The following CSMD1 variants were observed in gnomAD, a reference collection of about 807,000 sequenced individuals.
CSMD1 encodes CUB and Sushi multiple domains 1.
In CSMD1, 213 loss-of-function variants were observed where a neutral mutation model predicts 417.5. That is an observed-to-expected ratio of 0.51 (90% confidence interval 0.46 to 0.57). The LOEUF (loss-of-function observed/expected upper bound fraction) is 0.57, where lower values mean the gene tolerates loss of function less well. Among genes scored for constraint, CSMD1 ranks in the 20% least tolerant of loss-of-function variants. The pLI is 0.00. For synonymous variants in CSMD1, 2,862 were observed against 1,736.8 expected (o/e 1.65, Z -16.11); for missense variants, 6,923 against 4,529.7 (o/e 1.53, Z -15.17).
Position 4,082,635 on chromosome 8 carries a change from T to A in CSMD1, c.416-50536A>T, listed in dbSNP as rs111395348. Among the ~76,000 whole-genome samples, 152 of 152,164 alleles carry A rather than the reference T, an allele frequency of 1.0e-3. 1 individual carries two copies. The highest frequency in any genetic ancestry group is 3.5e-3 in the African/African-American group (145 of 41,524). ...TATTTTATTTTATTATTATTACACT[T>A]TAACTTTTAGGGTACATGTGCACAA... On this transcript the variant is annotated intron_variant, in intron 3 of 69. Coordinates refer to ENST00000635120, the MANE Select transcript of CSMD1 (RefSeq NM_033225.6).
At chr8:4,062,594 C>G (rs1479485991) in intron 3 of CSMD1, among the ~76,000 whole-genome samples, 1 of 152,076 alleles carries the variant, frequency 6.6e-6, no homozygotes, top group Non-Finnish European at 1.5e-5. Flanking sequence ...GTGATACGTC[C>G]CAGATCTGAT....
intron 5 of CSMD1, among the ~76,000 whole-genome samples, chr8:3,944,344 T>G (rs1037084066): frequency 1.3e-5 from 2 of 152,148 alleles, no homozygotes; most frequent in East Asian, 1.9e-4. Flanking sequence ...TTTTAAAGAA[T>G]AATTTTTGTA....
At chr8:3,101,060 T>G (rs1048839919) in intron 46 of CSMD1, among the ~76,000 whole-genome samples, 4 of 151,728 alleles carry the variant, frequency 2.6e-5, no homozygotes, top group Admixed American at 1.3e-4. Context: ...ATGGTGTTTT[T>G]TTTTTTTTTT....
intron 1 of CSMD1, among the ~76,000 whole-genome samples, chr8:4,638,785 T>C (rs574941095): frequency 4.5e-4 from 68 of 152,308 alleles, no homozygotes; most frequent in African/African-American, 1.6e-3. Context: ...TGGGAAATGA[T>C]GAGGGCTGAA....
intron 10 of CSMD1, among the ~76,000 whole-genome samples, chr8:3,563,931 C>G (rs943795888): frequency 2.0e-5 from 3 of 152,006 alleles, no homozygotes; most frequent in African/African-American, 4.8e-5. Flanking sequence ...ATTTTTAAAC[C>G]TATTTTTCAT....
chr8:3,091,835 A>C (rs1425320418), intron 47 of CSMD1, among the ~76,000 whole-genome samples, 173 bp from the exon 48 acceptor site: 2 of 152,210 alleles, frequency 1.3e-5, no homozygotes, highest in Non-Finnish European at 1.5e-5. Flanking sequence ...ATTTTCTGAT[A>C]AAAATAAGAC....
intron 7 of CSMD1, among the ~76,000 whole-genome samples, chr8:3,627,966 C>T (rs7004692): frequency 0.37 from 55,632 of 151,980 alleles, 10,416 homozygotes; most frequent in Middle Eastern, 0.48. Flanking sequence ...CTTCACACTT[C>T]GCTAATATTT....
chr8:3,351,979 T>C (rs1808455550), intron 21 of CSMD1, among the ~76,000 whole-genome samples: 1 of 152,124 alleles, frequency 6.6e-6, no homozygotes, highest in South Asian at 2.1e-4. Context: ...TAGGACAGTT[T>C]TGTTTTTGCT....
rs562111087 is a variant in CSMD1, at chr8:3,935,035, G to A, written c.818+62868C>T. Among the ~76,000 whole-genome samples, 19 of 152,222 alleles carry A rather than the reference G, an allele frequency of 1.2e-4. No individual in the cohort carries two copies. In the East Asian group the frequency reaches 3.1e-3, roughly 25 times the overall value. On this transcript the variant is annotated intron_variant, in intron 5 of 69. Coordinates refer to ENST00000635120, the MANE Select transcript of CSMD1 (RefSeq NM_033225.6). Reference sequence around the variant, plus strand: ...ATGGAGTATCTGAACTCCAAAGCTAGTCTCGTTTCTTTTGCATTGCACTGG... The same window carrying A: ...ATGGAGTATCTGAACTCCAAAGCTAATCTCGTTTCTTTTGCATTGCACTGG...
intron 25 of CSMD1, among the ~76,000 whole-genome samples, chr8:3,302,164 G>T (rs1304955008): frequency 1.3e-5 from 2 of 152,158 alleles, no homozygotes; most frequent in Non-Finnish European, 2.9e-5. Context: ...AAATAATGAT[G>T]AAATGTGAGG....
chr8:3,273,729 T>C (rs1450024995), intron 26 of CSMD1, among the ~76,000 whole-genome samples: 1 of 152,170 alleles, frequency 6.6e-6, no homozygotes, highest in Non-Finnish European at 1.5e-5. Flanking sequence ...TAGAGGTGTT[T>C]GTAGTATTCT....
rs1037307370 is a variant in CSMD1 at position 4,725,447 on chromosome 8, T to C, written c.86-87889A>G. 2.6e-5 allele frequency among the ~76,000 whole-genome samples: 4 copies of C among 152,340 alleles called. No individual in the cohort carries two copies. The East Asian group carries it at 7.7e-4, about 29-fold the overall frequency. ...TTATGGTTGTTGTTCTCCATTTCTA[T>C]TATTTTCTTAATTTGATAGCTCAGA... On this transcript the variant is annotated intron_variant, in intron 1 of 69. Coordinates refer to ENST00000635120, the MANE Select transcript of CSMD1 (RefSeq NM_033225.6).
intron 3 of CSMD1, among the ~76,000 whole-genome samples, chr8:4,383,213 T>C (rs1048793056): frequency 2.6e-5 from 4 of 152,150 alleles, no homozygotes; most frequent in African/African-American, 9.7e-5. Flanking sequence ...ACTGACCCAG[T>C]ATGTTAATGG....
intron 1 of CSMD1, among the ~76,000 whole-genome samples, chr8:4,943,203 T>A: frequency 6.6e-6 from 1 of 152,106 alleles, no homozygotes; most frequent in East Asian, 1.9e-4. Context: ...TGCACTTTAT[T>A]TGAAAATCAT....
chr8:3,086,393 T>C (rs1814534743), intron 49 of CSMD1, among the ~76,000 whole-genome samples: 1 of 152,166 alleles, frequency 6.6e-6, no homozygotes, highest in Non-Finnish European at 1.5e-5. Flanking sequence ...TATCTATTAC[T>C]GTCTCACAAA....
chr8:4,190,574 T>A (rs1168108430), intron 3 of CSMD1, among the ~76,000 whole-genome samples: 1 of 151,446 alleles, frequency 6.6e-6, no homozygotes, highest in African/African-American at 2.4e-5. Context: ...GAGACTCTGA[T>A]GATCTATTCC....
intron 1 of CSMD1, among the ~76,000 whole-genome samples, chr8:4,706,268 C>G (rs1807935869): frequency 6.6e-6 from 1 of 151,946 alleles, no homozygotes; most frequent in African/African-American, 2.4e-5. Flanking sequence ...TAAAATTTCT[C>G]TTTTAATTCC....
intron 5 of CSMD1, among the ~76,000 whole-genome samples, chr8:3,762,820 G>A (rs910247820): frequency 1.3e-5 from 2 of 152,220 alleles, no homozygotes; most frequent in African/African-American, 2.4e-5. Flanking sequence ...CCACGCAGCC[G>A]TGTGTAAGGC....
At chr8:4,067,329 C>G (rs904359547) in intron 3 of CSMD1, among the ~76,000 whole-genome samples, 2 of 152,094 alleles carry the variant, frequency 1.3e-5, no homozygotes, top group African/African-American at 4.8e-5. Flanking sequence ...GTAACGTTTT[C>G]AAGTAAGGTA....
Sources: gnomAD v4.1 joint callset for allele counts (sites outside exome capture counted in the v4.1 genomes callset) on GRCh38, gnomAD v4.1.1 for gene constraint, MANE v1.5 for transcripts, NCBI Gene and HGNC (gene_info 2026-07-23, HGNC 2026-07-21) for gene names.